CERK: variants seen among roughly 807,000 people sequenced by gnomAD.
CERK encodes the protein acylsphingosine kinase.
A neutral mutation model predicts 63.4 loss-of-function variants in CERK; 39 were observed. That is an observed-to-expected ratio of 0.61 (90% CI 0.48 to 0.80). The LOEUF (loss-of-function observed/expected upper bound fraction) is 0.80, where lower values mean the gene tolerates loss of function less well. Among genes scored for constraint, CERK ranks in the 30% least tolerant of loss-of-function variants. The probability of loss-of-function intolerance (pLI) is 0.00; values close to 1 mark genes in which losing one functional copy is unlikely to be tolerated. For missense variants in CERK, 670 were observed against 714.1 expected (o/e 0.94, Z 0.70); for synonymous variants, 302 against 280.0 (o/e 1.08, Z -0.78).
intron 1 of CERK, among the ~76,000 whole-genome samples, chr22:46,737,045 G>A (rs549066214): frequency 6.6e-6 from 1 of 152,308 alleles, no homozygotes; most frequent in Non-Finnish European, 1.5e-5. Flanking sequence ...TGTAATCCCA[G>A]CACTTTGAGA....
chr22:46,713,514 A>C (rs939966478), intron 3 of CERK, among the ~76,000 whole-genome samples: 10 of 150,190 alleles, frequency 6.7e-5, no homozygotes, highest in African/African-American at 2.2e-4. Flanking sequence ...ATCTCAAAAA[A>C]AAAAAAAAAA....
chr22:46,711,026 G>A (rs1186831499), intron 5 of CERK, 60 bp downstream of exon 5: 4 of 1,382,470 alleles, frequency 2.9e-6, no homozygotes, highest in Non-Finnish European at 3.1e-6. Flanking sequence ...AAAACTGAGA[G>A]GTGGGTAGAA....
At chr22:46,727,759 C>T (rs1309213680) in intron 1 of CERK, among the ~76,000 whole-genome samples, 3 of 152,286 alleles carry the variant, frequency 2.0e-5, no homozygotes, top group South Asian at 2.1e-4. Flanking sequence ...CAGGACCACC[C>T]GGTGACCACC....
At chr22:46,702,721 G>A (rs530595404) in intron 6 of CERK, among the ~76,000 whole-genome samples, 6 of 152,390 alleles carry the variant, frequency 3.9e-5, no homozygotes, top group African/African-American at 1.4e-4. Context: ...GAACGGGGCC[G>A]GCTGCGGCTT....
chr22:46,691,409 A>T (rs1442821956), intron 11 of CERK, among the ~76,000 whole-genome samples, 163 bp downstream of exon 11: 1 of 152,150 alleles, frequency 6.6e-6, no homozygotes, highest in Non-Finnish European at 1.5e-5. Context: ...TTTTACAAGG[A>T]GTAGTTGTAA....
chr22:46,711,500 A>C (rs1358919872), intron 4 of CERK, among the ~76,000 whole-genome samples: 1 of 152,236 alleles, frequency 6.6e-6, no homozygotes, highest in Non-Finnish European at 1.5e-5. Context: ...AAGTGTAGTA[A>C]GAAGATGTTA....
chr22:46,706,818 A>G (rs935729586), intron 6 of CERK, among the ~76,000 whole-genome samples: 2 of 152,180 alleles, frequency 1.3e-5, no homozygotes, highest in African/African-American at 4.8e-5. Context: ...CCGCAATGTC[A>G]CCATCCGTGG....
chr22:46,699,559 GTTACT>G (rs1232853970), intron 7 of CERK, 94 bp from the exon 8 acceptor site: 1 of 1,192,326 alleles, frequency 8.4e-7, no homozygotes, highest in African/African-American at 1.5e-5. Flanking sequence ...AAACGTGGGA[GTTACT>G]TTTAAAAAGT....
At chr22:46,692,192 C>T (rs976717380) in intron 10 of CERK, among the ~76,000 whole-genome samples, 35 of 151,872 alleles carry the variant, frequency 2.3e-4, no homozygotes, top group East Asian at 1.6e-3. Context: ...TTTGGGAGGC[C>T]GAGGCGGGCA....
intron 1 of CERK, among the ~76,000 whole-genome samples, chr22:46,723,763 T>A (rs1172216531): frequency 6.6e-6 from 1 of 151,800 alleles, no homozygotes; most frequent in Non-Finnish European, 1.5e-5. Context: ...TGTGGTGTGA[T>A]CTTGGCTCGC....
chr22:46,690,418 C>T lies in CERK; in HGVS notation c.1333-218G>A, dbSNP rs187791368. Among the ~76,000 whole-genome samples the T allele has an allele frequency of 5.8e-4, 88 of 152,028 alleles. 3 individuals carry two copies. The East Asian group carries it at 0.012, about 20-fold the overall frequency. On this transcript the variant is annotated intron_variant, in intron 11 of 12. Transcript: ENST00000216264. ...GAAACCTGGCACCCACCTTTCCCGG[C>T]GCCCACCTTCCCCGGCGCCTACCTT...
Position 46,727,835 on chromosome 22 carries a change from C to A in CERK, c.143-6820G>T, listed in dbSNP as rs58990564. ...CAACACTCCCCTGGCCCAGCCACCC[C>A]CCCCGGCCCTGCCACCCCCGCGGCT... On this transcript the variant is annotated intron_variant, in intron 1 of 12. Transcript: ENST00000216264. Among the ~76,000 whole-genome samples the A allele has an allele frequency of 2.3e-3, 349 of 152,092 alleles. 2 individuals are homozygous for A. The highest frequency in any genetic ancestry group is 8.1e-3 in the African/African-American group (337 of 41,450).
intron 1 of CERK, 43 bp downstream of exon 1, chr22:46,737,964 C>A (rs1601736817): frequency 8.7e-7 from 1 of 1,147,284 alleles, no homozygotes; most frequent in South Asian, 4.2e-5. Flanking sequence ...CGCCCCCGCT[C>A]CCTGGCCAGG....
intron 1 of CERK, among the ~76,000 whole-genome samples, chr22:46,724,808 A>G: frequency 6.6e-6 from 1 of 152,250 alleles, no homozygotes; most frequent in African/African-American, 2.4e-5. Flanking sequence ...TCACGAGGTC[A>G]GGAGATCGAG....
intron 6 of CERK, among the ~76,000 whole-genome samples, chr22:46,705,356 A>G (rs1030421458): frequency 3.9e-5 from 6 of 152,178 alleles, no homozygotes; most frequent in African/African-American, 1.2e-4. Flanking sequence ...GGCCATCAAC[A>G]TTGGTTGTCT....
chr22:46,696,361 C>T (rs1448587857), intron 8 of CERK, among the ~76,000 whole-genome samples: 1 of 152,308 alleles, frequency 6.6e-6, no homozygotes, highest in East Asian at 1.9e-4. Flanking sequence ...TCTCCCTGCT[C>T]CTCCCATGGG....
chr22:46,723,719 T>C (rs2082903994), intron 1 of CERK, among the ~76,000 whole-genome samples: 1 of 152,000 alleles, frequency 6.6e-6, no homozygotes, highest in African/African-American at 2.4e-5. Flanking sequence ...CTTTTTTTTT[T>C]GTTTTTGAAA....
intron 12 of CERK, among the ~76,000 whole-genome samples, chr22:46,689,155 G>T (rs73471150): frequency 6.6e-6 from 1 of 152,190 alleles, no homozygotes; most frequent in Non-Finnish European, 1.5e-5. Context: ...CTGCCTCCCC[G>T]CGTCCCCTAG....
rs801720 is a variant in CERK, at chr22:46,686,262, C to A, written c.*872G>T. 0.49 allele frequency: 74,106 copies of A among 152,124 alleles called. 19,694 individuals carry two copies. Among genetic ancestry groups the A allele is most frequent in the African/African-American group, 0.71 (29,529 of 41,494 alleles). 9.4% of individuals were successfully genotyped at this position (152,124 alleles called of 1,614,324 possible). On this transcript the variant is annotated 3_prime_UTR_variant, in exon 13 of 13. Transcript: ENST00000216264. ...CACGTGTACAGACTTCAGGCCCTGC[C>A]TCAGAGGAGTCCTGCGGGAGTCCAG...
Sources: allele counts gnomAD v4.1 joint callset (sites outside exome capture counted in the v4.1 genomes callset), GRCh38; gene constraint gnomAD v4.1.1; transcripts MANE v1.5; gene names NCBI Gene and HGNC (gene_info 2026-07-23, HGNC 2026-07-21).